Variants in PCDH19 observed in about 807,000 individuals in gnomAD.
PCDH19 encodes the protein protocadherin 19, also known as protocadherin-19.
A neutral mutation model predicts 46.2 loss-of-function variants in PCDH19; 6 were observed. That is an observed-to-expected ratio of 0.13 (90% CI 0.07 to 0.26). The LOEUF is 0.26. Among genes scored for constraint, PCDH19 ranks in the 10% least tolerant of loss-of-function variants. The pLI, the probability that PCDH19 is intolerant of heterozygous loss-of-function variation, is 1.00. For synonymous variants in PCDH19, 481 were observed against 415.7 expected (o/e 1.16, Z -1.91); for missense variants, 740 against 972.3 (o/e 0.76, Z 3.18).
intron 3 of PCDH19, among the ~76,000 whole-genome samples, chrX:100,375,115 A>AT (rs777595389): frequency 4.5e-5 from 5 of 111,541 alleles, no homozygotes; most frequent in African/African-American, 1.6e-4. Flanking sequence ...GCCCTATATG[A>AT]TTTTTTTCTT....
At chrX:100,333,174 G>GAAGGAAGGAA (rs1167397761) in intron 5 of PCDH19, among the ~76,000 whole-genome samples, 1 of 28,956 alleles carries the variant, frequency 3.5e-5, no homozygotes, top group Admixed American at 4.2e-4. Flanking sequence ...AGGAAGGAAG[G>GAAGGAAGGAA]GAGAGAGAGA....
At position 100,291,843 on chromosome X, in the gene PCDH19, CT is replaced by C. The variant is rs773530412; in HGVS notation, c.*4433del. On this transcript the variant is annotated 3_prime_UTR_variant, in exon 6 of 6. Transcript: ENST00000373034. Reference sequence around the variant, plus strand: ...ATAGACAGTGGTGATTCTTTTTTGTCTTTTTTCTTTTTACAATGATTCAATC... The same window carrying C: ...ATAGACAGTGGTGATTCTTTTTTGTCTTTTTCTTTTTACAATGATTCAATC... 2 of 112,481 alleles carry C rather than the reference CT, an allele frequency of 1.8e-5. No homozygotes were observed. The highest frequency in any genetic ancestry group is 1.9e-4 in the Admixed American group (2 of 10,644). 9.3% of individuals were successfully genotyped at this position (112,481 alleles called of 1,213,427 possible).
intron 3 of PCDH19, among the ~76,000 whole-genome samples, chrX:100,380,995 TC>T (rs959742149): frequency 8.9e-6 from 1 of 112,420 alleles, no homozygotes; most frequent in Non-Finnish European, 1.9e-5. Flanking sequence ...ATTTACAAAG[TC>T]CATTATTCAG....
intron 3 of PCDH19, among the ~76,000 whole-genome samples, chrX:100,363,856 C>CATGTGT (rs57620335): frequency 0.027 from 2,402 of 88,934 alleles, 88 homozygotes; most frequent in African/African-American, 0.094. Context: ...AATGTGCGTG[C>CATGTGT]GTGTGTGTGT....
chrX:100,347,051 C>T (rs773448148), intron 4 of PCDH19, among the ~76,000 whole-genome samples: 4 of 109,550 alleles, frequency 3.7e-5, no homozygotes, highest in East Asian at 2.9e-4. Context: ...GGTACACCTG[C>T]GGGTTGCAAG....
At chrX:100,359,436 A>T (rs1926812670) in intron 3 of PCDH19, among the ~76,000 whole-genome samples, 2 of 112,298 alleles carry the variant, frequency 1.8e-5, no homozygotes, top group Non-Finnish European at 3.8e-5. Flanking sequence ...GTTCCCTGAA[A>T]CCTTGGTGAC....
At chrX:100,350,908 C>A (rs778910406) in intron 3 of PCDH19, among the ~76,000 whole-genome samples, 1 of 112,111 alleles carries the variant, frequency 8.9e-6, no homozygotes, top group East Asian at 2.8e-4. Context: ...CAGACCAGGG[C>A]GGCCTTGGCA....
At chrX:100,329,869 G>A (rs1311639006) in intron 5 of PCDH19, among the ~76,000 whole-genome samples, 1 of 111,808 alleles carries the variant, frequency 8.9e-6, no homozygotes, top group Admixed American at 9.5e-5. Context: ...CTGAGATCGC[G>A]CCACTGCACT....
rs56125276 is a variant in PCDH19 at position 100,371,849 on chromosome X, TACACACAC to T, written c.2617-21153_2617-21146del. Among the ~76,000 whole-genome samples the T allele has an allele frequency of 1.1e-3, 91 of 80,640 alleles. No individual in the cohort carries two copies. The East Asian group carries it at 0.013, about 11-fold the overall frequency. 70.0% of individuals were successfully genotyped at this position (80,640 alleles called of 115,157 possible). On this transcript the variant is annotated intron_variant, in intron 3 of 5. Coordinates refer to ENST00000373034, the MANE Select transcript of PCDH19 (RefSeq NM_001184880.2). ...CCTTCATGGACGAGACAAATGACTA[TACACACAC>T]ACACACACACACACACACACACACA...
At chrX:100,351,099 T>A (rs1183385746) in intron 3 of PCDH19, among the ~76,000 whole-genome samples, 1 of 113,060 alleles carries the variant, frequency 8.8e-6, no homozygotes, top group African/African-American at 3.2e-5. Context: ...ATAATTAACA[T>A]GTTAAAATAT....
At position 100,296,205 on chromosome X, in the gene PCDH19, G is replaced by T; in HGVS notation, c.*72C>A. The stretch of plus-strand genomic sequence containing the variant: ...CCACTCAAGAACCAACCATTGGTGA[G>T]CAATTAAAACAAGAAGCTCCTGCTT... On this transcript the variant is annotated 3_prime_UTR_variant, in exon 6 of 6. Transcript: ENST00000373034. The T allele has an allele frequency of 1.2e-6, 1 of 825,584 alleles. No homozygotes were observed. The highest frequency in any genetic ancestry group is 1.8e-6 in the Non-Finnish European group (1 of 544,493). 68.0% of individuals were successfully genotyped at this position (825,584 alleles called of 1,213,427 possible). A position where few individuals can be genotyped will look rare whatever the true frequency, so the allele number is the denominator to read the frequency against.
Position 100,295,498 on chromosome X carries a change from A to G in PCDH19, c.*779T>C, listed in dbSNP as rs1230550562. 1 of 112,469 alleles carries G rather than the reference A, an allele frequency of 8.9e-6. No individual in the cohort carries two copies. Among genetic ancestry groups the G allele is most frequent in the African/African-American group, 3.2e-5 (1 of 30,940 alleles). The allele number at this position is 112,469 out of a possible 1,213,427, so 9.3% of individuals were successfully genotyped here. A position where few individuals can be genotyped will look rare whatever the true frequency, so the allele number is the denominator to read the frequency against. ...CTTTGCAAAGTGGTGAGCAATCACT[A>G]CATGAGTTAAAAAACGTGAGTATTC... On this transcript the variant is annotated 3_prime_UTR_variant, in exon 6 of 6. Transcript: ENST00000373034.
chrX:100,324,605 A>G (rs903892894), intron 5 of PCDH19, among the ~76,000 whole-genome samples: 13 of 112,486 alleles, frequency 1.2e-4, no homozygotes, highest in Admixed American at 7.5e-4. Context: ...GCAAATTAAC[A>G]TGATATAAAC....
intron 5 of PCDH19, among the ~76,000 whole-genome samples, chrX:100,313,147 A>G (rs1457633332): frequency 8.9e-6 from 1 of 112,172 alleles, no homozygotes; most frequent in Non-Finnish European, 1.9e-5. Context: ...TAGATCATGT[A>G]TCTTTACACT....
chrX:100,301,664 G>A (rs1269774693), intron 5 of PCDH19, among the ~76,000 whole-genome samples: 1 of 111,247 alleles, frequency 9.0e-6, no homozygotes, highest in African/African-American at 3.3e-5. Context: ...GCCATTTTTT[G>A]TGAGATATAA....
In PCDH19 at chrX:100,402,636, A is replaced by G. The variant is rs779650149; in HGVS notation, c.2504T>C (p.Val835Ala). ...GGTGTTGCGGGTATTCTGGTTCTCC[A>G]CATTCAGGAAAGTGCTCTCAGAGCG... is the stretch of plus-strand genomic sequence containing the variant. ...CRRSESTFLN[V>A]ENQNTRNTSA... Residue 835 changes from valine (V) to alanine (A), a missense_variant, in exon 3 of 6, where the codon GTG (valine) becomes GCG (alanine). Val to Ala is a moderately conservative substitution (Grantham distance 64, BLOSUM62 0). Transcript: ENST00000373034. The G allele has an allele frequency of 3.3e-6, 4 of 1,209,756 alleles. No homozygotes were observed. The highest frequency in any genetic ancestry group is 4.5e-6 in the Non-Finnish European group (4 of 894,910).
intron 3 of PCDH19, among the ~76,000 whole-genome samples, chrX:100,352,289 A>C (rs1295234756): frequency 5.3e-5 from 6 of 112,568 alleles, no homozygotes; most frequent in Non-Finnish European, 1.1e-4. Context: ...TTAGGAATAC[A>C]ATCCAAGTAT....
chrX:100,343,816 T>C (rs1267591874), intron 4 of PCDH19, among the ~76,000 whole-genome samples: 1 of 111,965 alleles, frequency 8.9e-6, no homozygotes, highest in Admixed American at 9.5e-5. Flanking sequence ...CCTATGCCTC[T>C]GAGAAAAGAG....
rs1389281885 is a variant in PCDH19, at chrX:100,385,259, A to G, written c.2616+17265T>C. ...ATTGGTGGTGGTGACGTTTAAAACT[A>G]TAATAATGTTTTGCCAGTACAGTGA... On this transcript the variant is annotated intron_variant, in intron 3 of 5. Coordinates refer to ENST00000373034, the MANE Select transcript of PCDH19 (RefSeq NM_001184880.2). 4.5e-5 allele frequency among the ~76,000 whole-genome samples: 5 copies of G among 111,055 alleles called. No individual in the cohort carries two copies. The Admixed American group carries it at 4.8e-4, about 11-fold the overall frequency.
Sources: gnomAD v4.1 joint callset for allele counts (sites outside exome capture counted in the v4.1 genomes callset) on GRCh38, gnomAD v4.1.1 for gene constraint, MANE v1.5 for transcripts, NCBI Gene and HGNC (gene_info 2026-07-23, HGNC 2026-07-21) for gene names.